ELF1: variants seen among roughly 807,000 people sequenced by gnomAD.
ELF1 encodes ETS-related transcription factor Elf-1.
A neutral mutation model predicts 59.9 loss-of-function variants in ELF1; 24 were observed. The observed-to-expected ratio is 0.40, with a 90% confidence interval of 0.29 to 0.56. The LOEUF (loss-of-function observed/expected upper bound fraction) is 0.56, where lower values mean the gene tolerates loss of function less well. Ranked by LOEUF, ELF1 falls within the 20% of genes least tolerant of loss-of-function variation. The pLI is 0.44. For synonymous variants in ELF1, 248 were observed against 266.2 expected (o/e 0.93, Z 0.67); for missense variants, 627 against 742.2 (o/e 0.84, Z 1.80).
Position 40,933,902 on chromosome 13 carries a change from A to C in ELF1, c.1383T>G (p.Thr461=). 2 of 1,614,266 alleles carry C rather than the reference A, an allele frequency of 1.2e-6. No individual in the cohort carries two copies. The part of the protein sequence containing the change: ...VIASTDPSAG[T]GSQKFILQAI... ...CTTGTAAAATAAACTTCTGAGATCC[A>C]GTACCTGCTGATGGATCTGTGCTGG... The change falls in exon 9 of 9, where the codon ACT becomes ACG. Residue 461 remains threonine, a synonymous_variant. Coordinates refer to ENST00000239882, the MANE Select transcript of ELF1 (RefSeq NM_172373.4).
At chr13:41,018,406 G>C (rs1406867461) in intron 1 of ELF1, among the ~76,000 whole-genome samples, 1 of 152,090 alleles carries the variant, frequency 6.6e-6, no homozygotes, top group Admixed American at 6.6e-5. Flanking sequence ...CAAAAGGAAG[G>C]CCAATACTCA....
chr13:40,978,675 A>G (rs553410030), intron 2 of ELF1, among the ~76,000 whole-genome samples: 1 of 152,190 alleles, frequency 6.6e-6, no homozygotes, highest in East Asian at 1.9e-4. Flanking sequence ...TAATAAGTAA[A>G]TCAAAGAAAA....
At chr13:40,985,157 T>A (rs1216523466) in intron 1 of ELF1, among the ~76,000 whole-genome samples, 1 of 152,244 alleles carries the variant, frequency 6.6e-6, no homozygotes, top group Non-Finnish European at 1.5e-5. Flanking sequence ...ATCATGTCTT[T>A]GATTCTCTGT....
At chr13:41,015,128 G>A (rs774676943) in intron 1 of ELF1, among the ~76,000 whole-genome samples, 4 of 152,092 alleles carry the variant, frequency 2.6e-5, no homozygotes, top group Non-Finnish European at 4.4e-5. Flanking sequence ...AAAGCCCCAG[G>A]AGTAAGAGTA....
chr13:40,988,606 T>C (rs1342633159), intron 1 of ELF1, among the ~76,000 whole-genome samples: 1 of 152,204 alleles, frequency 6.6e-6, no homozygotes, highest in Non-Finnish European at 1.5e-5. Context: ...TAGATTTCCC[T>C]ATTTACTACT....
At chr13:40,994,436 A>G (rs1874029900) in intron 1 of ELF1, among the ~76,000 whole-genome samples, 1 of 152,194 alleles carries the variant, frequency 6.6e-6, no homozygotes, top group Non-Finnish European at 1.5e-5. Context: ...TGAGGTCAGG[A>G]GTTCAAGACC....
chr13:41,028,816 C>G (rs1208454469), intron 1 of ELF1, among the ~76,000 whole-genome samples: 1 of 152,158 alleles, frequency 6.6e-6, no homozygotes, highest in African/African-American at 2.4e-5. Context: ...TCACTGCAAC[C>G]TCTGCCTCCC....
chr13:40,973,816 C>T (rs1872734709), intron 2 of ELF1, among the ~76,000 whole-genome samples: 1 of 151,972 alleles, frequency 6.6e-6, no homozygotes, highest in Non-Finnish European at 1.5e-5. Context: ...CCATATGATA[C>T]AATATTATTC....
chr13:41,040,197 T>C (rs1028729999), intron 1 of ELF1, among the ~76,000 whole-genome samples: 2 of 152,186 alleles, frequency 1.3e-5, no homozygotes, highest in African/African-American at 4.8e-5. Context: ...GATGTAGATA[T>C]ATATTCAGCA....
At chr13:41,025,939 C>T (rs1298404585) in intron 1 of ELF1, among the ~76,000 whole-genome samples, 2 of 152,176 alleles carry the variant, frequency 1.3e-5, no homozygotes. Flanking sequence ...CCATGAGGCC[C>T]ACCAGAAGCA....
intron 2 of ELF1, among the ~76,000 whole-genome samples, chr13:40,964,548 G>A (rs1424956690): frequency 6.6e-6 from 1 of 151,762 alleles, no homozygotes; most frequent in Non-Finnish European, 1.5e-5. Context: ...GGAGTGCAGT[G>A]GCGTGATCTC....
chr13:41,029,852 G>C (rs1290067971), intron 1 of ELF1, among the ~76,000 whole-genome samples: 4 of 152,122 alleles, frequency 2.6e-5, no homozygotes, highest in Admixed American at 6.5e-5. Context: ...CCAAAACTGA[G>C]ACAGGAAAGA....
At position 40,934,577 on chromosome 13, in the gene ELF1, C is replaced by T. The variant is rs142841526; in HGVS notation, c.1257-549G>A. Among the ~76,000 whole-genome samples the T allele has an allele frequency of 9.9e-3, 1,512 of 152,000 alleles. 11 individuals are homozygous for T. The highest frequency in any genetic ancestry group is 0.015 in the Non-Finnish European group (1,042 of 67,960). On this transcript the variant is annotated intron_variant, in intron 8 of 8. Transcript: ENST00000239882. ...CTGGGATTATAGTCACGTGCCACCACGCCCGGCTAATTTTTGTAGTTTTAA... is the reference window on the plus strand; with the variant it reads ...CTGGGATTATAGTCACGTGCCACCATGCCCGGCTAATTTTTGTAGTTTTAA...
chr13:40,969,358 T>C (rs9532691), intron 2 of ELF1, among the ~76,000 whole-genome samples: 83,272 of 152,096 alleles, frequency 0.55, 25,890 homozygotes, highest in Non-Finnish European at 0.69. Flanking sequence ...TCAATTTCAA[T>C]ACAAGTGGCA....
At chr13:41,029,563 G>A (rs1050370320) in intron 1 of ELF1, among the ~76,000 whole-genome samples, 1 of 151,962 alleles carries the variant, frequency 6.6e-6, no homozygotes, top group African/African-American at 2.4e-5. Context: ...TATGTTTTCT[G>A]GAGAGACGAG....
intron 1 of ELF1, among the ~76,000 whole-genome samples, chr13:41,027,221 T>C (rs997447098): frequency 8.5e-5 from 13 of 152,124 alleles, no homozygotes; most frequent in African/African-American, 3.1e-4. Context: ...ACAAAGAAAT[T>C]TGGGGCAGAA....
At chr13:40,955,935 TC>T (rs1334758167) in intron 3 of ELF1, among the ~76,000 whole-genome samples, 1 of 102,444 alleles carries the variant, frequency 9.8e-6, no homozygotes, top group Non-Finnish European at 2.0e-5. Flanking sequence ...AGCCGCCCCG[TC>T]CGGGAGGGAG....
At chr13:41,008,654 G>C (rs1020238387) in intron 1 of ELF1, among the ~76,000 whole-genome samples, 2 of 151,970 alleles carry the variant, frequency 1.3e-5, no homozygotes, top group African/African-American at 4.8e-5. Context: ...TTCATTCATA[G>C]GTTTTCAGAA....
intron 3 of ELF1, among the ~76,000 whole-genome samples, chr13:40,955,938 G>T (rs539057322): frequency 2.2e-5 from 2 of 89,018 alleles, no homozygotes; most frequent in Admixed American, 9.7e-5. Flanking sequence ...CGCCCCGTCC[G>T]GGAGGGAGGC....
Sources: gnomAD v4.1 joint callset for allele counts (sites outside exome capture counted in the v4.1 genomes callset) on GRCh38, gnomAD v4.1.1 for gene constraint, MANE v1.5 for transcripts, NCBI Gene and HGNC (gene_info 2026-07-23, HGNC 2026-07-21) for gene names.